ZNF385D: variants seen among roughly 807,000 people sequenced by gnomAD.
The protein encoded by ZNF385D is zinc finger protein 385D.
A neutral mutation model predicts 35.8 loss-of-function variants in ZNF385D; 15 were observed. That is an observed-to-expected ratio of 0.42 (90% CI 0.28 to 0.64). The LOEUF is 0.64. Ranked by LOEUF, ZNF385D falls within the 30% of genes least tolerant of loss-of-function variation. ZNF385D has a pLI of 0.23. For synonymous variants in ZNF385D, 212 were observed against 186.8 expected, an observed-to-expected ratio of 1.13 and a Z score of -1.10; for missense variants, 474 against 494.6, an observed-to-expected ratio of 0.96 and a Z score of 0.39.
intron 1 of ZNF385D, among the ~76,000 whole-genome samples, chr3:21,686,049 A>C (rs2067092846): frequency 6.6e-6 from 1 of 152,218 alleles, no homozygotes; most frequent in Admixed American, 6.5e-5. Context: ...ACAAAGGCAA[A>C]TTGAAACAGT....
intron 3 of ZNF385D, among the ~76,000 whole-genome samples, chr3:21,972,609 G>C (rs537397969): frequency 6.6e-6 from 1 of 151,468 alleles, no homozygotes; most frequent in Non-Finnish European, 1.5e-5. Context: ...AAATTGAAAG[G>C]TTAAAACAAT....
intron 2 of ZNF385D, among the ~76,000 whole-genome samples, chr3:22,193,632 T>C (rs563437146): frequency 6.6e-6 from 1 of 152,010 alleles, no homozygotes. Flanking sequence ...TCTTTTATCA[T>C]AAAGCTTCTG....
At chr3:22,123,091 G>C (rs1476837818) in intron 3 of ZNF385D, among the ~76,000 whole-genome samples, 2 of 152,148 alleles carry the variant, frequency 1.3e-5, no homozygotes, top group African/African-American at 4.8e-5. Context: ...TGTTCTGATA[G>C]AAACACTCTG....
intron 3 of ZNF385D, among the ~76,000 whole-genome samples, chr3:21,842,931 T>C (rs183933899): frequency 7.9e-5 from 12 of 152,218 alleles, no homozygotes; most frequent in Non-Finnish European, 1.5e-5. Flanking sequence ...CTTCTGAAAA[T>C]CTATTCTCTT....
chr3:22,138,868 G>C (rs1289059507), intron 3 of ZNF385D, among the ~76,000 whole-genome samples: 6 of 152,084 alleles, frequency 3.9e-5, no homozygotes, highest in Admixed American at 3.3e-4. Context: ...ACTACCATCA[G>C]AGTGAACAGG....
At chr3:21,764,922 T>C (rs191835800) in intron 3 of ZNF385D, among the ~76,000 whole-genome samples, 16 of 152,280 alleles carry the variant, frequency 1.1e-4, no homozygotes, top group Non-Finnish European at 8.8e-5. Flanking sequence ...ACAACTTTCC[T>C]GAATAATTTC....
At chr3:22,016,336 A>T (rs532502263) in intron 3 of ZNF385D, among the ~76,000 whole-genome samples, 1 of 152,192 alleles carries the variant, frequency 6.6e-6, no homozygotes, top group Non-Finnish European at 1.5e-5. Context: ...CCTAGCTCAC[A>T]ATGGCATTAG....
intron 3 of ZNF385D, among the ~76,000 whole-genome samples, chr3:21,899,977 G>T (rs1259193061): frequency 6.6e-6 from 1 of 152,068 alleles, no homozygotes; most frequent in Non-Finnish European, 1.5e-5. Flanking sequence ...CAGGTGACAC[G>T]GTTTAAGTTA....
chr3:21,766,461 A>T (rs1219387683), intron 3 of ZNF385D, among the ~76,000 whole-genome samples: 3 of 152,118 alleles, frequency 2.0e-5, no homozygotes, highest in African/African-American at 7.2e-5. Context: ...AACACATTTT[A>T]AGGATGAGTT....
rs149949466 is a variant in ZNF385D at position 21,841,406 on chromosome 3, T to C, written c.326-176378A>G. 7.8e-3 allele frequency among the ~76,000 whole-genome samples: 1,184 copies of C among 151,490 alleles called. 5 individuals are homozygous for C. Among genetic ancestry groups the C allele is most frequent in the Non-Finnish European group, 0.014 (946 of 67,800 alleles). On this transcript the variant is annotated intron_variant, in intron 3 of 5. Coordinates refer to the ZNF385D transcript ENST00000494108. The stretch of plus-strand genomic sequence containing the variant: ...ATTCTCCTGAGATCAATTCCCAGAA[T>C]TGACATTGTTGAATTAAAGAACATT...
At chr3:21,833,521 C>T (rs1695135755) in intron 3 of ZNF385D, among the ~76,000 whole-genome samples, 1 of 152,132 alleles carries the variant, frequency 6.6e-6, no homozygotes, top group South Asian at 2.1e-4. Flanking sequence ...GTGGTTTTCC[C>T]ATAAAAACCT....
intron 2 of ZNF385D, among the ~76,000 whole-genome samples, chr3:21,651,314 A>C (rs13079271): frequency 7.8e-6 from 1 of 128,008 alleles, no homozygotes; most frequent in Admixed American, 7.9e-5. Context: ...AAAAAAAAAA[A>C]GGTGAAGAAA....
chr3:21,953,913 G>A (rs937658164), intron 3 of ZNF385D, among the ~76,000 whole-genome samples: 2 of 151,984 alleles, frequency 1.3e-5, no homozygotes, highest in Non-Finnish European at 2.9e-5. Context: ...AGCACTAACA[G>A]AATTGTTTAA....
intron 3 of ZNF385D, among the ~76,000 whole-genome samples, chr3:21,960,095 A>G (rs1189653019): frequency 6.6e-6 from 1 of 151,908 alleles, no homozygotes; most frequent in African/African-American, 2.4e-5. Context: ...ATACAATCAA[A>G]AAGTGATGAA....
intron 2 of ZNF385D, among the ~76,000 whole-genome samples, chr3:21,608,224 T>G (rs2064554866): frequency 6.6e-6 from 1 of 151,986 alleles, no homozygotes; most frequent in Non-Finnish European, 1.5e-5. Flanking sequence ...TTACCCAGGA[T>G]GGTCTCAATC....
chr3:21,748,382 G>A (rs1266391481), intron 1 of ZNF385D, among the ~76,000 whole-genome samples: 1 of 145,808 alleles, frequency 6.9e-6, no homozygotes, highest in Non-Finnish European at 1.5e-5. Flanking sequence ...GATAGGCTGA[G>A]CCAGGCTATT....
chr3:21,435,967 T>G (rs1225907643), intron 5 of ZNF385D, among the ~76,000 whole-genome samples: 1 of 152,196 alleles, frequency 6.6e-6, no homozygotes, highest in African/African-American at 2.4e-5. Context: ...GCACAATGAC[T>G]GGTCAATGAC....
In ZNF385D at chr3:21,953,553, T is replaced by A. The variant is rs975313472; in HGVS notation, c.325+215264A>T. 5.3e-5 allele frequency among the ~76,000 whole-genome samples: 8 copies of A among 152,072 alleles called. No individual in the cohort carries two copies. In the East Asian group the frequency reaches 1.5e-3, roughly 29 times the overall value. On this transcript the variant is annotated intron_variant, in intron 3 of 5. Transcript: ENST00000494108. The stretch of plus-strand genomic sequence containing the variant: ...CTAAAATACAGTTTATTCAATAGCT[T>A]TGGTTCTTAGTGGCTACTTTTAAAT...
At chr3:22,251,291 T>G (rs1305809499) in intron 2 of ZNF385D, among the ~76,000 whole-genome samples, 1 of 152,162 alleles carries the variant, frequency 6.6e-6, no homozygotes, top group Non-Finnish European at 1.5e-5. Context: ...CAATTTAAGA[T>G]GATGTTTTCT....
Sources: allele counts gnomAD v4.1 joint callset (sites outside exome capture counted in the v4.1 genomes callset), GRCh38; gene constraint gnomAD v4.1.1; transcripts MANE v1.5; gene names NCBI Gene and HGNC (gene_info 2026-07-23, HGNC 2026-07-21).